The following TFF1 variants were observed in gnomAD, a reference collection of about 807,000 sequenced individuals.
TFF1 encodes the protein trefoil factor 1.
A neutral mutation model predicts 7.7 loss-of-function variants in TFF1; 8 were observed. The observed-to-expected ratio is 1.04, with a 90% CI of 0.61 to 1.87. The LOEUF (loss-of-function observed/expected upper bound fraction) is 1.87, where lower values mean the gene tolerates loss of function less well. Among genes scored for constraint, TFF1 ranks in the 40% most tolerant of loss-of-function variants. The pLI, the probability that TFF1 is intolerant of heterozygous loss-of-function variation, is 0.00. For synonymous variants in TFF1, 47 were observed against 44.8 expected (o/e 1.05, Z -0.19); for missense variants, 120 against 113.4 (o/e 1.06, Z -0.26).
At position 42,364,945 on chromosome 21, in the gene TFF1, C is replaced by T. The variant is rs1017856855; in HGVS notation, c.85+1466G>A. 2.6e-5 allele frequency among the ~76,000 whole-genome samples: 4 copies of T among 152,094 alleles called. No individual in the cohort carries two copies. The South Asian group carries it at 6.2e-4, about 24-fold the overall frequency. On this transcript the variant is annotated intron_variant, in intron 1 of 2. Transcript: ENST00000291527. ...GGGACACTGTGGGGGTCAAGAGAGGCCCCGTGGTGAGGGAGGATCATCATC... is the reference window on the plus strand; with the variant it reads ...GGGACACTGTGGGGGTCAAGAGAGGTCCCGTGGTGAGGGAGGATCATCATC...
chr21:42,363,046 A>T lies in TFF1; in HGVS notation c.238+209T>A, dbSNP rs542261117. On this transcript the variant is annotated intron_variant, in intron 2 of 2. Coordinates refer to ENST00000291527, the MANE Select transcript of TFF1 (RefSeq NM_003225.3). ...AGATGTGAAGAGAAGCCGGGGGGAA[A>T]TCAGGTTTCTTCCCAAGTCCCTTAG... Among the ~76,000 whole-genome samples the T allele has an allele frequency of 1.6e-4, 25 of 152,170 alleles. No homozygotes were observed. The South Asian group carries it at 5.2e-3, about 32-fold the overall frequency.
intron 2 of TFF1, among the ~76,000 whole-genome samples, chr21:42,363,000 T>C (rs999761867): frequency 6.6e-6 from 1 of 151,858 alleles, no homozygotes; most frequent in African/African-American, 2.4e-5. Flanking sequence ...CAACAGTGGC[T>C]CTTCCCAGGC....
At chr21:42,366,294 T>C (rs1295424296) in intron 1 of TFF1, 117 bp downstream of exon 1, 12 of 728,584 alleles carry the variant, frequency 1.6e-5, no homozygotes, top group Non-Finnish European at 2.6e-5. Context: ...TTTAAGGGCC[T>C]AGAACAGCAC....
At position 42,362,497 on chromosome 21, in the gene TFF1, T is replaced by C. The variant is rs1360059853; in HGVS notation, c.239-2A>G. ...GAAGTGTCTAAAATTCACACTCCTC[T>C]ACAGGGGTGAGGGGGAGGGAGAAAG... On this transcript the variant is annotated splice_acceptor_variant, in intron 2 of 2. Coordinates refer to ENST00000291527, the MANE Select transcript of TFF1 (RefSeq NM_003225.3). LOFTEE classifies it high-confidence loss of function. 1.9e-6 allele frequency: 3 copies of C among 1,583,742 alleles called. No individual in the cohort carries two copies. Among genetic ancestry groups the C allele is most frequent in the Admixed American group, 3.6e-5 (2 of 55,816 alleles).
rs906178934 is a variant in TFF1, at chr21:42,362,357, C to G, written c.*122G>C. 1.7e-6 allele frequency: 2 copies of G among 1,149,432 alleles called. No homozygotes were observed. Among genetic ancestry groups the G allele is most frequent in the African/African-American group, 1.6e-5 (1 of 63,024 alleles). The allele number at this position is 1,149,432 out of a possible 1,614,324, so 71.2% of individuals were successfully genotyped here. ...AGAGCAGTCAATCTGTGTTGTGAGC[C>G]GAGGCACAGCTGCAGAAGCGTGTCT... On this transcript the variant is annotated 3_prime_UTR_variant, in exon 3 of 3. Transcript: ENST00000291527.
At chr21:42,362,900 CAAAAAA>C (rs34253894) in intron 2 of TFF1, among the ~76,000 whole-genome samples, 5 of 117,614 alleles carry the variant, frequency 4.3e-5, no homozygotes, top group Admixed American at 1.8e-4. Flanking sequence ...GACTCCATTT[CAAAAAA>C]AAAAAAAAAA....
Position 42,363,296 on chromosome 21 carries a change from G to A in TFF1, c.197C>T (p.Pro66Leu). 1 of 1,614,158 alleles carries A rather than the reference G, an allele frequency of 6.2e-7. No homozygotes were observed. The highest frequency in any genetic ancestry group is 1.7e-5 in the Admixed American group (1 of 60,026). ...GATGGTATTAGGATAGAAGCACCAGGGGACCCCACGAACGGTGTCGTCGAA... is the reference window on the plus strand; with the variant it reads ...GATGGTATTAGGATAGAAGCACCAGAGGACCCCACGAACGGTGTCGTCGAA... ...CCFDDTVRGV[P>L]WCFYPNTIDV... Residue 66 changes from proline (P) to leucine (L), a missense_variant, in exon 2 of 3, where the codon CCC becomes CTC. Physicochemically the swap from Pro to Leu is moderately conservative, Grantham distance 98. Transcript: ENST00000291527.
chr21:42,364,146 G>A (rs546220061), intron 1 of TFF1, among the ~76,000 whole-genome samples: 22 of 151,830 alleles, frequency 1.4e-4, no homozygotes, highest in African/African-American at 5.3e-4. Flanking sequence ...TGATGGAGGA[G>A]AAAGGCAAGA....
chr21:42,366,403 C>T lies in TFF1; in HGVS notation c.85+8G>A, dbSNP rs225358. 1,081,636 of 1,601,926 alleles carry T rather than the reference C, an allele frequency of 0.68. 373,030 individuals are homozygous for T. The highest frequency in any genetic ancestry group is 0.71 in the Non-Finnish European group (831,483 of 1,171,242). On this transcript the variant is annotated splice_region_variant and intron_variant, in intron 1 of 2. Transcript: ENST00000291527. The stretch of plus-strand genomic sequence containing the variant: ...TGGCCCCACAGAGCAGGAAGAAGCA[C>T]GCCTTACCTGTCTGGGCCTCGGCCA...
intron 1 of TFF1, among the ~76,000 whole-genome samples, chr21:42,365,994 T>C (rs545562802): frequency 2.0e-5 from 3 of 152,258 alleles, no homozygotes; most frequent in Non-Finnish European, 2.9e-5. Flanking sequence ...GTCTCCCAGG[T>C]GGCCATCACT....
In TFF1 at chr21:42,362,345, T is replaced by A; in HGVS notation, c.*134A>T. 2.1e-6 allele frequency: 2 copies of A among 969,906 alleles called. No individual in the cohort carries two copies. The highest frequency in any genetic ancestry group is 1.5e-6 in the Non-Finnish European group (1 of 655,400). The allele number at this position is 969,906 out of a possible 1,614,324, so 60.1% of individuals were successfully genotyped here. A position where few individuals can be genotyped will look rare whatever the true frequency, so the allele number is the denominator to read the frequency against. On this transcript the variant is annotated 3_prime_UTR_variant, in exon 3 of 3. Coordinates refer to ENST00000291527, the MANE Select transcript of TFF1 (RefSeq NM_003225.3). ...GTAGTCAAAGTCAGAGCAGTCAATC[T>A]GTGTTGTGAGCCGAGGCACAGCTGC...
chr21:42,365,990 C>T (rs2052276331), intron 1 of TFF1, among the ~76,000 whole-genome samples: 1 of 152,146 alleles, frequency 6.6e-6, no homozygotes. Flanking sequence ...GAGGGTCTCC[C>T]AGGTGGCCAT....
At chr21:42,365,084 A>C (rs2146406787) in intron 1 of TFF1, among the ~76,000 whole-genome samples, 1 of 152,294 alleles carries the variant, frequency 6.6e-6, no homozygotes, top group Non-Finnish European at 1.5e-5. Flanking sequence ...GATGGAAATA[A>C]ATGGAAATGG....
At chr21:42,366,273 T>G in intron 1 of TFF1, 138 bp downstream of exon 1, 3 of 581,302 alleles carry the variant, frequency 5.2e-6, no homozygotes, top group Non-Finnish European at 5.8e-6. Flanking sequence ...ATCCTGTAAA[T>G]TGGATATACT....
chr21:42,363,871 T>C (rs113287848), intron 1 of TFF1, among the ~76,000 whole-genome samples: 5,607 of 152,176 alleles, frequency 0.037, 214 homozygotes, highest in African/African-American at 0.091. Context: ...TTTGGGAGGC[T>C]GAAGGAGGTG....
rs72561490 is a variant in TFF1 at position 42,362,504 on chromosome 21, G to A, written c.239-9C>T. 7.5e-3 allele frequency: 11,815 copies of A among 1,579,566 alleles called. 59 individuals carry two copies. Among genetic ancestry groups the A allele is most frequent in the Non-Finnish European group, 9.0e-3 (10,452 of 1,163,496 alleles). ...CTAAAATTCACACTCCTCTACAGGG[G>A]TGAGGGGGAGGGAGAAAGAGATGCT... On this transcript the variant is annotated splice_polypyrimidine_tract_variant and intron_variant, in intron 2 of 2. Transcript: ENST00000291527.
In TFF1 at chr21:42,364,838, G is replaced by A. The variant is rs148596734; in HGVS notation, c.86-1431C>T. 1.4e-4 allele frequency among the ~76,000 whole-genome samples: 22 copies of A among 152,290 alleles called. No individual in the cohort carries two copies. The East Asian group carries it at 3.9e-3, about 27-fold the overall frequency. ...TGGGAAGGATCCGTGTTCAGCTCCC[G>A]CTGCCCAGCAGCTTCCATGGGAACC... On this transcript the variant is annotated intron_variant, in intron 1 of 2. Transcript: ENST00000291527.
intron 1 of TFF1, among the ~76,000 whole-genome samples, chr21:42,364,381 C>G (rs893056175): frequency 6.6e-6 from 1 of 151,978 alleles, no homozygotes; most frequent in Admixed American, 6.6e-5. Flanking sequence ...GTGAGAGGAC[C>G]GGGTGGGGTG....
At position 42,362,376 on chromosome 21, in the gene TFF1, C is replaced by A; in HGVS notation, c.*103G>T. 7.6e-7 allele frequency: 1 copy of A among 1,322,606 alleles called. No homozygotes were observed. Among genetic ancestry groups the A allele is most frequent in the Non-Finnish European group, 1.0e-6 (1 of 961,098 alleles). The allele number at this position is 1,322,606 out of a possible 1,614,324, so 81.9% of individuals were successfully genotyped here. On this transcript the variant is annotated 3_prime_UTR_variant, in exon 3 of 3. Transcript: ENST00000291527. ...GTGAGCCGAGGCACAGCTGCAGAAGCGTGTCTGAGGTGTCCGGTGGAGGTG... is the reference window on the plus strand; with the variant it reads ...GTGAGCCGAGGCACAGCTGCAGAAGAGTGTCTGAGGTGTCCGGTGGAGGTG...
Sources: allele counts gnomAD v4.1 joint callset (sites outside exome capture counted in the v4.1 genomes callset), GRCh38; gene constraint gnomAD v4.1.1; transcripts MANE v1.5; gene names NCBI Gene and HGNC (gene_info 2026-07-23, HGNC 2026-07-21).